The following AFDN variants were observed in gnomAD, a reference collection of about 807,000 sequenced individuals.
The protein encoded by AFDN is afadin.
In AFDN, 68 loss-of-function variants were observed where a neutral mutation model predicts 216.6. The ratio of observed to expected loss-of-function variants is 0.31; its 90% CI spans 0.26 to 0.38. The LOEUF (loss-of-function observed/expected upper bound fraction) is 0.38. Among genes scored for constraint, AFDN ranks in the 10% least tolerant of loss-of-function variants. AFDN has a pLI of 1.00. For missense variants in AFDN, 2,136 were observed against 2,342.0 expected (o/e 0.91, Z 1.82); for synonymous variants, 868 against 853.7 (o/e 1.02, Z -0.29).
intron 5 of AFDN, among the ~76,000 whole-genome samples, chr6:167,877,352 G>A (rs1305370522): frequency 2.0e-5 from 3 of 152,154 alleles, no homozygotes; most frequent in Non-Finnish European, 4.4e-5. Context: ...TGGCGATTAG[G>A]GTTTGGGAGT....
chr6:167,910,794 TG>T (rs1461512769), intron 13 of AFDN, among the ~76,000 whole-genome samples: 1 of 152,190 alleles, frequency 6.6e-6, no homozygotes, highest in Non-Finnish European at 1.5e-5. Context: ...CTGTAGCAGA[TG>T]CAAGACAGAC....
Position 167,970,315 on chromosome 6 carries a change from G to C in AFDN, c.*380G>C. On this transcript the variant is annotated 3_prime_UTR_variant, in exon 34 of 34. Coordinates refer to ENST00000683244, the MANE Select transcript of AFDN (RefSeq NM_001386888.1). ...CGACCGAGGAGCACAAAGAAGTTCT[G>C]TTTCTGTTTTTTTCAGAAACTTTAT... 3.9e-6 allele frequency: 1 copy of C among 258,588 alleles called. No homozygotes were observed. Among genetic ancestry groups the C allele is most frequent in the Non-Finnish European group, 7.3e-6 (1 of 136,882 alleles). The allele number at this position is 258,588 out of a possible 1,614,324, so 16.0% of individuals were successfully genotyped here.
At chr6:167,908,034 A>C (rs1468769727) in intron 13 of AFDN, among the ~76,000 whole-genome samples, 2 of 152,234 alleles carry the variant, frequency 1.3e-5, no homozygotes, top group Non-Finnish European at 1.5e-5. Context: ...GCGGGAACTC[A>C]GACAGAAATA....
Position 167,951,129 on chromosome 6 carries a change from A to T in AFDN, c.3832-57A>T. On this transcript the variant is annotated intron_variant, in intron 29 of 33. Transcript: ENST00000683244. This position sits in a 1 kb window ranked among gnomAD's most constrained non-coding sequence, Gnocchi z 7.1. ...CTGTCTGAAGATAAAATGTTTGTGG[A>T]TATTTGGTAATTTCTAGTAAATGGC... 1 of 1,497,398 alleles carries T rather than the reference A, an allele frequency of 6.7e-7. No homozygotes were observed. Among genetic ancestry groups the T allele is most frequent in the Non-Finnish European group, 8.9e-7 (1 of 1,124,794 alleles). The allele number at this position is 1,497,398 out of a possible 1,614,324, so 92.8% of individuals were successfully genotyped here.
intron 1 of AFDN, among the ~76,000 whole-genome samples, chr6:167,841,120 C>T (rs973068938): frequency 6.6e-6 from 1 of 152,164 alleles, no homozygotes; most frequent in Non-Finnish European, 1.5e-5. Flanking sequence ...GGAAAGCATT[C>T]CAGGGAAACC....
intron 21 of AFDN, among the ~76,000 whole-genome samples, chr6:167,921,163 C>T (rs1047678107): frequency 2.0e-5 from 3 of 152,180 alleles, no homozygotes; most frequent in Admixed American, 6.5e-5. Context: ...TTTGCAAATG[C>T]GTATAGTTTA....
At chr6:167,871,372 A>G (rs929404599) in intron 3 of AFDN, among the ~76,000 whole-genome samples, 1 of 152,144 alleles carries the variant, frequency 6.6e-6, no homozygotes, top group African/African-American at 2.4e-5. Context: ...ATGCTCTTTC[A>G]TTCTGTATAT....
At chr6:167,909,898 A>C (rs1158361512) in intron 13 of AFDN, among the ~76,000 whole-genome samples, 1 of 152,184 alleles carries the variant, frequency 6.6e-6, no homozygotes, top group Non-Finnish European at 1.5e-5. Context: ...ATCTCTGTTA[A>C]AGTTGAACTA....
chr6:167,913,687 C>A, intron 16 of AFDN: 1 of 509,148 alleles, frequency 2.0e-6, no homozygotes, highest in Non-Finnish European at 3.5e-6. Context: ...GGTTCCTATT[C>A]TTTGGATCTC....
At chr6:167,827,262 T>TGCGCGACCCCC (rs1779196176) in intron 1 of AFDN, 25 bp downstream of exon 1, 1 of 1,010,624 alleles carries the variant, frequency 9.9e-7, no homozygotes, top group African/African-American at 1.8e-5. Flanking sequence ...GCGCGGGGCC[T>TGCGCGACCCCC]GCGCGACCCC....
intron 1 of AFDN, among the ~76,000 whole-genome samples, chr6:167,862,263 G>A (rs939872149): frequency 1.3e-5 from 2 of 152,180 alleles, no homozygotes; most frequent in Non-Finnish European, 2.9e-5. Flanking sequence ...GTAGGACGTG[G>A]TCAGCACAGT....
At chr6:167,879,217 T>C (rs1785806842) in intron 5 of AFDN, among the ~76,000 whole-genome samples, 1 of 152,186 alleles carries the variant, frequency 6.6e-6, no homozygotes, top group South Asian at 2.1e-4. Context: ...GCTTAGCAGG[T>C]CCATATTCTA....
At chr6:167,950,532 G>A (rs560238781) in intron 29 of AFDN, among the ~76,000 whole-genome samples, 37 of 152,184 alleles carry the variant, frequency 2.4e-4, no homozygotes, top group Admixed American at 2.0e-3. Context: ...CGGACGTATC[G>A]CAGATGTGTG....
At chr6:167,854,136 T>C (rs1403730008) in intron 1 of AFDN, among the ~76,000 whole-genome samples, 1 of 152,038 alleles carries the variant, frequency 6.6e-6, no homozygotes, top group Non-Finnish European at 1.5e-5. Flanking sequence ...AATTTGGGTG[T>C]TGAAAAATGG....
chr6:167,948,133 G>A, intron 28 of AFDN, 160 bp from the exon 29 acceptor site: 1 of 790,170 alleles, frequency 1.3e-6, no homozygotes, highest in Non-Finnish European at 2.0e-6. Flanking sequence ...TAATAAGTCT[G>A]GGCAAAATGA....
chr6:167,929,915 A>C (rs897216570), intron 23 of AFDN, among the ~76,000 whole-genome samples: 4 of 152,224 alleles, frequency 2.6e-5, no homozygotes, highest in Non-Finnish European at 5.9e-5. Flanking sequence ...TAAAATGGTT[A>C]ACTTGGCCAG....
chr6:167,951,298 A>G lies in AFDN; in HGVS notation c.3944A>G (p.Gln1315Arg), dbSNP rs144979147. Reference sequence around the variant, plus strand: ...TCTGATAGTGATATGTGGATAAATCAGAGCTCCTCACTGGACTCCAGTACC... The same window carrying G: ...TCTGATAGTGATATGTGGATAAATCGGAGCTCCTCACTGGACTCCAGTACC... ...RKSDSDMWIN[Q>R]SSSLDSSTSS... The change falls in exon 30 of 34, where the codon CAG (glutamine) becomes CGG (arginine). Residue 1315 changes from glutamine to arginine, a missense_variant. Around this residue, in one of 8 missense-constraint regions of AFDN, gnomAD observed 981 missense variants for 966.0 expected, o/e 1.02. Transcript: ENST00000683244. The surrounding 1 kb of genome is among the most constrained non-coding windows in gnomAD (Gnocchi z 7.1). 6.2e-7 allele frequency: 1 copy of G among 1,614,210 alleles called. No homozygotes were observed. The highest frequency in any genetic ancestry group is 1.3e-5 in the African/African-American group (1 of 75,060).
At chr6:167,908,341 C>A (rs563049119) in intron 13 of AFDN, among the ~76,000 whole-genome samples, 2 of 152,266 alleles carry the variant, frequency 1.3e-5, no homozygotes, top group South Asian at 4.1e-4. Context: ...ATAAGGGAAT[C>A]CCAGGTTTTA....
intron 18 of AFDN, 100 bp from the exon 19 acceptor site, chr6:167,915,068 C>T: frequency 7.9e-7 from 1 of 1,270,098 alleles, no homozygotes; most frequent in Non-Finnish European, 1.1e-6. Flanking sequence ...TTAAACGGCA[C>T]TTACTACCAT....
Sources: allele counts gnomAD v4.1 joint callset (sites outside exome capture counted in the v4.1 genomes callset), GRCh38; gene constraint gnomAD v4.1.1; regional missense constraint gnomAD v4.1.1; non-coding constraint Gnocchi (gnomAD v3.1); transcripts MANE v1.5; gene names NCBI Gene and HGNC (gene_info 2026-07-23, HGNC 2026-07-21).